Variants in SLC2A12 observed in about 807,000 individuals in gnomAD.
The protein encoded by SLC2A12 is solute carrier family 2, facilitated glucose transporter member 12.
Under a neutral mutation model 41.8 loss-of-function variants are expected in SLC2A12, and 23 were observed. The observed-to-expected ratio is 0.55, with a 90% CI of 0.40 to 0.78. SLC2A12 has a LOEUF of 0.78. SLC2A12 is among the 30% of genes least tolerant of loss of function. The pLI is 0.00. For synonymous variants in SLC2A12, 295 were observed against 285.9 expected, an observed-to-expected ratio of 1.03 and a Z score of -0.32; for missense variants, 654 against 745.6, an observed-to-expected ratio of 0.88 and a Z score of 1.43.
chr6:134,009,287 T>A (rs1252313575), intron 2 of SLC2A12: 3 of 152,118 alleles, frequency 2.0e-5, no homozygotes, highest in African/African-American at 4.8e-5. Context: ...GAGCAGTGAG[T>A]TGAATATTGA....
intron 2 of SLC2A12, among the ~76,000 whole-genome samples, chr6:134,021,439 G>A: frequency 6.6e-6 from 1 of 152,112 alleles, no homozygotes; most frequent in Non-Finnish European, 1.5e-5. Context: ...ACTACATTCT[G>A]GTTAATAAAC....
intron 4 of SLC2A12, among the ~76,000 whole-genome samples, chr6:133,999,355 G>T (rs564023459): frequency 1.3e-5 from 2 of 152,336 alleles, no homozygotes; most frequent in South Asian, 4.1e-4. Flanking sequence ...CTTCAAGAAA[G>T]AATAGGTTTG....
chr6:133,993,522 C>T (rs907849858), intron 4 of SLC2A12, among the ~76,000 whole-genome samples: 1 of 152,074 alleles, frequency 6.6e-6, no homozygotes, highest in Non-Finnish European at 1.5e-5. Flanking sequence ...TGCCGAGCTT[C>T]GATTATATGC....
intron 1 of SLC2A12, among the ~76,000 whole-genome samples, chr6:134,037,843 G>A (rs1479555812): frequency 6.6e-6 from 1 of 152,166 alleles, no homozygotes; most frequent in Non-Finnish European, 1.5e-5. Context: ...GAACTTAGCA[G>A]AAGGCTCACC....
rs1307375207 is a variant in SLC2A12 at position 133,998,404 on chromosome 6, G to A, written c.1700+3593C>T. 3.3e-5 allele frequency among the ~76,000 whole-genome samples: 5 copies of A among 152,194 alleles called. No homozygotes were observed. In the East Asian group the frequency reaches 9.6e-4, roughly 29 times the overall value. On this transcript the variant is annotated intron_variant, in intron 4 of 4. Transcript: ENST00000275230. ...TACAGAACATTCTGCTTTCAAGTTTGACTTTTTTAAGAGAGTACAATGGGT... is the reference window on the plus strand; with the variant it reads ...TACAGAACATTCTGCTTTCAAGTTTAACTTTTTTAAGAGAGTACAATGGGT...
intron 4 of SLC2A12, among the ~76,000 whole-genome samples, chr6:133,993,244 A>G (rs1174891214): frequency 6.6e-6 from 1 of 152,144 alleles, no homozygotes; most frequent in Non-Finnish European, 1.5e-5. Flanking sequence ...GGCCACCCAC[A>G]TTTGACTCTA....
rs1171504697 is a variant in SLC2A12 at position 134,029,588 on chromosome 6, C to T, written c.237G>A (p.Gln79=). The T allele has an allele frequency of 6.2e-7, 1 of 1,614,106 alleles. No individual in the cohort carries two copies. The highest frequency in any genetic ancestry group is 8.5e-7 in the Non-Finnish European group (1 of 1,180,018). The change falls in exon 2 of 5, where the codon CAG becomes CAA. Residue 79 remains glutamine, a synonymous_variant. Coordinates refer to ENST00000275230, the MANE Select transcript of SLC2A12 (RefSeq NM_145176.3). ...TGACGAGGGAGCTCACAACCATTTCCTGCTCATGGCAGCTCAGGGCTAATA... is the reference window on the plus strand; with the variant it reads ...TGACGAGGGAGCTCACAACCATTTCTTGCTCATGGCAGCTCAGGGCTAATA... ...KTLLALSCHE[Q]EMVVSSLVIG...
intron 2 of SLC2A12, among the ~76,000 whole-genome samples, chr6:134,013,575 C>G (rs1327377935): frequency 1.3e-5 from 2 of 151,894 alleles, no homozygotes; most frequent in African/African-American, 4.8e-5. Context: ...TAACATGATA[C>G]ATTTCTACTT....
chr6:134,016,220 A>G (rs1215693349), intron 2 of SLC2A12, among the ~76,000 whole-genome samples: 1 of 152,012 alleles, frequency 6.6e-6, no homozygotes. Flanking sequence ...CACCCTCTGG[A>G]GCAGAGGGCA....
intron 1 of SLC2A12, among the ~76,000 whole-genome samples, chr6:134,044,486 G>C (rs1582628166): frequency 2.0e-5 from 3 of 152,254 alleles, no homozygotes; most frequent in South Asian, 4.2e-4. Flanking sequence ...GGCCGAGGTG[G>C]GTGGATCACT....
chr6:134,022,531 CAAAAAAGAAAAGAAA>C (rs1158697698), intron 2 of SLC2A12, among the ~76,000 whole-genome samples: 6 of 116,596 alleles, frequency 5.1e-5, no homozygotes, highest in Non-Finnish European at 1.8e-5. Flanking sequence ...AACTCCATCT[CAAAAAAGAAAAGAAA>C]AGAAAAGAAA....
chr6:134,015,543 CTT>C (rs2114448237), intron 2 of SLC2A12, among the ~76,000 whole-genome samples: 1 of 152,284 alleles, frequency 6.6e-6, no homozygotes, highest in East Asian at 1.9e-4. Context: ...CTGAAATTGC[CTT>C]TTCTCTGAAG....
chr6:134,019,761 C>T (rs1353702521), intron 2 of SLC2A12, among the ~76,000 whole-genome samples: 1 of 152,140 alleles, frequency 6.6e-6, no homozygotes, highest in Non-Finnish European at 1.5e-5. Flanking sequence ...ATGGCTCATG[C>T]CTATAATTCC....
At chr6:134,038,859 C>T (rs866179448) in intron 1 of SLC2A12, among the ~76,000 whole-genome samples, 1 of 151,818 alleles carries the variant, frequency 6.6e-6, no homozygotes, top group Admixed American at 6.6e-5. Context: ...TGCCTATCAC[C>T]ACGCCTGGCT....
intron 4 of SLC2A12, among the ~76,000 whole-genome samples, chr6:134,001,777 A>T (rs553730039): frequency 4.8e-4 from 73 of 151,862 alleles, no homozygotes; most frequent in Non-Finnish European, 8.8e-4. Context: ...AAAAAGCTTC[A>T]TTCATTGGGA....
At chr6:134,001,446 A>T (rs1392899782) in intron 4 of SLC2A12, among the ~76,000 whole-genome samples, 2 of 152,388 alleles carry the variant, frequency 1.3e-5, no homozygotes, top group Middle Eastern at 6.8e-3. Context: ...AAATGCAGAC[A>T]GTGAAAATAT....
chr6:134,014,576 A>C (rs1776930620), intron 2 of SLC2A12, among the ~76,000 whole-genome samples: 1 of 152,214 alleles, frequency 6.6e-6, no homozygotes, highest in Non-Finnish European at 1.5e-5. Context: ...CTTTAATTAG[A>C]AATGTATTAT....
chr6:134,001,871 T>TA (rs35124061), intron 4 of SLC2A12, 126 bp downstream of exon 4: 223,171 of 1,028,134 alleles, frequency 0.22, 27,269 homozygotes, highest in South Asian at 0.31. Context: ...GACATAGTCT[T>TA]ACGCTAAAGG....
intron 1 of SLC2A12, among the ~76,000 whole-genome samples, 172 bp from the exon 2 acceptor site, chr6:134,029,893 G>T (rs1037983739): frequency 1.3e-5 from 2 of 152,148 alleles, no homozygotes; most frequent in Non-Finnish European, 2.9e-5. Context: ...TATAGAAGGA[G>T]AAATCATTTT....
Sources: gnomAD v4.1 joint callset for allele counts (sites outside exome capture counted in the v4.1 genomes callset) on GRCh38, gnomAD v4.1.1 for gene constraint, MANE v1.5 for transcripts, NCBI Gene and HGNC (gene_info 2026-07-23, HGNC 2026-07-21) for gene names.